Variants in ITPA observed in about 807,000 individuals in gnomAD.
ITPA encodes the protein inosine triphosphate pyrophosphatase.
Under a neutral mutation model 29.6 loss-of-function variants are expected in ITPA, and 29 were observed. The observed-to-expected ratio is 0.98, with a 90% CI of 0.73 to 1.34. The LOEUF (loss-of-function observed/expected upper bound fraction) is 1.34, where lower values mean the gene tolerates loss of function less well. ITPA is among the 40% of genes most tolerant of loss of function. The pLI is 0.00. For synonymous variants in ITPA, 103 were observed against 99.3 expected (o/e 1.04, Z -0.22); for missense variants, 241 against 251.5 (o/e 0.96, Z 0.28).
intron 1 of ITPA, among the ~76,000 whole-genome samples, chr20:3,212,195 A>G (rs1027030619): frequency 1.6e-4 from 25 of 152,290 alleles, no homozygotes; most frequent in Non-Finnish European, 2.5e-4. Context: ...AATACATAGG[A>G]TTACAAAGGA....
rs2067358243 is a variant in ITPA at position 3,218,124 on chromosome 20, T to C, written c.296-393T>C. Among the ~76,000 whole-genome samples the C allele has an allele frequency of 2.0e-5, 3 of 151,376 alleles. No individual in the cohort carries two copies. In the South Asian group the frequency reaches 6.3e-4, roughly 32 times the overall value. ...TAGTAGAGACGGGGTTTCACCGTGT[T>C]AGCCAGGATGGTCTCGATCTCCTGA... On this transcript the variant is annotated intron_variant, in intron 5 of 7. Transcript: ENST00000380113.
downstream of ITPA, among the ~76,000 whole-genome samples, chr20:3,226,840 G>A (rs147852348): frequency 7.1e-3 from 1,084 of 152,100 alleles, 16 homozygotes; most frequent in African/African-American, 0.024. The surrounding 1 kb of genome is among the most constrained non-coding windows in gnomAD (Gnocchi z 4.4). Context: ...CCCTGTTGTC[G>A]GCTGCCATTG....
intron 6 of ITPA, among the ~76,000 whole-genome samples, chr20:3,221,038 AC>A (rs1240101644): frequency 6.6e-6 from 1 of 151,696 alleles, no homozygotes; most frequent in East Asian, 1.9e-4. Context: ...GGCTTACACC[AC>A]CAGGCTAGGC....
upstream of ITPA, among the ~76,000 whole-genome samples, chr20:3,205,805 A>G (rs569246108): frequency 1.8e-4 from 28 of 152,334 alleles, no homozygotes; most frequent in Admixed American, 1.6e-3. Context: ...CTGTAATCCT[A>G]GCACTTTGGG....
Position 3,213,316 on chromosome 20 carries a change from A to T in ITPA, c.125-3A>T. ...CTTTCTGTGTGTCTGTTTCCCTGAT[A>T]AGTGCCGGAGTACCAGGGGGAGCCG... On this transcript the variant is annotated splice_region_variant and splice_polypyrimidine_tract_variant and intron_variant, in intron 2 of 7. Coordinates refer to ENST00000380113, the MANE Select transcript of ITPA (RefSeq NM_033453.4). 6.2e-7 allele frequency: 1 copy of T among 1,614,072 alleles called. No individual in the cohort carries two copies. Among genetic ancestry groups the T allele is most frequent in the Non-Finnish European group, 8.5e-7 (1 of 1,179,964 alleles).
downstream of ITPA, among the ~76,000 whole-genome samples, chr20:3,226,570 T>C (rs1010983886): frequency 6.6e-6 from 1 of 152,238 alleles, no homozygotes; most frequent in African/African-American, 2.4e-5. This position sits in a 1 kb window ranked among gnomAD's most constrained non-coding sequence, Gnocchi z 4.4. Flanking sequence ...TCGCTACTCC[T>C]GTTACGGTTG....
downstream of ITPA, among the ~76,000 whole-genome samples, chr20:3,225,403 G>A (rs985848981): frequency 2.0e-5 from 3 of 152,154 alleles, no homozygotes; most frequent in Non-Finnish European, 4.4e-5. Context: ...CTCCAGGGAG[G>A]GGCAGGGCTG....
rs2067374613 is a variant in ITPA at position 3,218,620 on chromosome 20, G to A, written c.399G>A (p.Arg133=). 1 of 1,612,680 alleles carries A rather than the reference G, an allele frequency of 6.2e-7. No homozygotes were observed. Among genetic ancestry groups the A allele is most frequent in the South Asian group, 1.1e-5 (1 of 91,060 alleles). The change falls in exon 6 of 8, where the codon AGG becomes AGA. Residue 133 remains arginine, a synonymous_variant. Transcript: ENST00000380113. The stretch of plus-strand genomic sequence containing the variant: ...CAAGCCAGCCCGTGCGCCTGTTCAG[G>A]GGCCGGACCTCGGTGCGTACCCACC... ...GDPSQPVRLF[R]GRTSGRIVAP...
At chr20:3,219,855 T>C (rs980272715) in intron 6 of ITPA, among the ~76,000 whole-genome samples, 4 of 151,572 alleles carry the variant, frequency 2.6e-5, no homozygotes, top group Admixed American at 2.0e-4. Context: ...GAGACCAGCC[T>C]GGGTAACATA....
At chr20:3,218,805 C>T in intron 6 of ITPA, 173 bp downstream of exon 6, 1 of 664,404 alleles carries the variant, frequency 1.5e-6, no homozygotes. Flanking sequence ...GCTGTGGATC[C>T]TAGGAGGGTG....
At chr20:3,226,794 C>G (rs995396589), downstream of ITPA, among the ~76,000 whole-genome samples, 1 of 152,162 alleles carries the variant, frequency 6.6e-6, no homozygotes, top group Admixed American at 6.5e-5. The surrounding 1 kb of genome is among the most constrained non-coding windows in gnomAD (Gnocchi z 4.4). Context: ...ACTGATGCTG[C>G]GCACCCGGCA....
chr20:3,224,601 G>A (rs897206268), downstream of ITPA, among the ~76,000 whole-genome samples: 33 of 152,220 alleles, frequency 2.2e-4, no homozygotes, highest in Non-Finnish European at 4.0e-4. Flanking sequence ...GAGGTGCTGC[G>A]TCCCTGCCCA....
At chr20:3,204,402 C>G, upstream of ITPA, 2 of 876,224 alleles carry the variant, frequency 2.3e-6, no homozygotes, top group Non-Finnish European at 3.4e-6. Flanking sequence ...ACCCGGCACA[C>G]GACTAGCGCA....
At chr20:3,225,736 TA>T (rs1568523419), downstream of ITPA, among the ~76,000 whole-genome samples, 2 of 152,116 alleles carry the variant, frequency 1.3e-5, no homozygotes, top group South Asian at 4.1e-4. Context: ...AATAAAAAAA[TA>T]AAAAATTTAG....
rs1243717032 is a variant in ITPA at position 3,214,044 on chromosome 20, C to T, written c.249C>T (p.Leu83=). 1 of 1,614,144 alleles carries T rather than the reference C, an allele frequency of 6.2e-7. No individual in the cohort carries two copies. The highest frequency in any genetic ancestry group is 1.1e-5 in the South Asian group (1 of 91,078). The change falls in exon 4 of 8, where the codon CTC becomes CTT. Residue 83 remains leucine, a synonymous_variant. Coordinates refer to ENST00000380113, the MANE Select transcript of ITPA (RefSeq NM_033453.4). ...TCLCFNALGG[L]PGPYIKWFLE... ...TGTGCTTCAATGCCCTTGGAGGGCT[C>T]CCCGGCCCCTACATGTGAGTGACTA... is the stretch of plus-strand genomic sequence containing the variant.
At chr20:3,218,745 AGATATCT>A in intron 6 of ITPA, 113 bp downstream of exon 6, 1 of 761,108 alleles carries the variant, frequency 1.3e-6, no homozygotes, top group Non-Finnish European at 2.3e-6. Context: ...TTGGGGCCAG[AGATATCT>A]GTGCCTTGCT....
intron 5 of ITPA, among the ~76,000 whole-genome samples, chr20:3,216,157 G>GTT (rs71331043): frequency 0.05 from 5,445 of 109,202 alleles, 304 homozygotes; most frequent in East Asian, 0.17. Context: ...CGCTGGCTAA[G>GTT]TTTTTTTTTT....
At chr20:3,204,414 G>A, upstream of ITPA, 1 of 971,146 alleles carries the variant, frequency 1.0e-6, no homozygotes, top group Non-Finnish European at 1.5e-6. Context: ...ACTAGCGCAC[G>A]GACGCGCATG....
downstream of ITPA, chr20:3,227,358 A>AGGGC (rs915031556): frequency 8.0e-6 from 2 of 248,546 alleles, no homozygotes; most frequent in African/African-American, 4.4e-5. Flanking sequence ...TTCCCCAGGG[A>AGGGC]GGGCTTCCCC....
Sources: gnomAD v4.1 joint callset for allele counts (sites outside exome capture counted in the v4.1 genomes callset) on GRCh38, gnomAD v4.1.1 for gene constraint, Gnocchi (gnomAD v3.1) non-coding constraint, MANE v1.5 for transcripts, NCBI Gene and HGNC (gene_info 2026-07-23, HGNC 2026-07-21) for gene names.